Variants in INPP4A observed in about 807,000 individuals in gnomAD.
The protein encoded by INPP4A is inositol polyphosphate-4-phosphatase, type I, 107kD.
A neutral mutation model predicts 119.8 loss-of-function variants in INPP4A; 33 were observed. The ratio of observed to expected loss-of-function variants is 0.28; its 90% CI spans 0.21 to 0.37. INPP4A has a LOEUF of 0.37. Ranked by LOEUF, INPP4A falls within the 10% of genes least tolerant of loss-of-function variation. INPP4A has a pLI of 1.00. For synonymous variants in INPP4A, 496 were observed against 500.7 expected, an observed-to-expected ratio of 0.99 and a Z score of 0.12; for missense variants, 956 against 1,289.9, an observed-to-expected ratio of 0.74 and a Z score of 3.97.
At chr2:98,551,603 T>G (rs1693532644) in intron 13 of INPP4A, among the ~76,000 whole-genome samples, 1 of 152,196 alleles carries the variant, frequency 6.6e-6, no homozygotes. Flanking sequence ...ATGGGGAAGA[T>G]TCTCAGCCCT....
intron 1 of INPP4A, among the ~76,000 whole-genome samples, chr2:98,500,516 T>C (rs992038913): frequency 6.6e-6 from 1 of 152,028 alleles, no homozygotes; most frequent in African/African-American, 2.4e-5. Context: ...ACCATCACAA[T>C]AGGTATGGGG....
intron 1 of INPP4A, among the ~76,000 whole-genome samples, chr2:98,476,461 T>C (rs993396280): frequency 2.0e-5 from 3 of 152,206 alleles, no homozygotes; most frequent in Non-Finnish European, 4.4e-5. Flanking sequence ...GGCCCCTCGC[T>C]CTGGGGAAGA....
In INPP4A at chr2:98,553,063, A is replaced by G. The variant is rs115446065; in HGVS notation, c.1347+94A>G. 9.3e-4 allele frequency: 896 copies of G among 967,562 alleles called. 9 individuals carry two copies. The African/African-American group carries it at 0.013, about 14-fold the overall frequency. 59.9% of individuals were successfully genotyped at this position (967,562 alleles called of 1,614,324 possible). A position where few individuals can be genotyped will look rare whatever the true frequency, so the allele number is the denominator to read the frequency against. ...CCAGGTGTACCTAAGATGGTCCACA[A>G]AGAGCGTGACATTGGGATGACTTTG... On this transcript the variant is annotated intron_variant, in intron 14 of 24. Transcript: ENST00000409851.
chr2:98,545,806 A>G (rs1461352177), intron 11 of INPP4A, among the ~76,000 whole-genome samples, 163 bp from the exon 12 acceptor site: 1 of 152,174 alleles, frequency 6.6e-6, no homozygotes, highest in East Asian at 1.9e-4. Flanking sequence ...CCCACCTGCC[A>G]CCTGGAAATG....
intron 11 of INPP4A, among the ~76,000 whole-genome samples, chr2:98,545,604 T>C (rs1331388929): frequency 1.3e-5 from 2 of 152,206 alleles, no homozygotes; most frequent in African/African-American, 2.4e-5. Context: ...ACCCCTTTGC[T>C]TATTATAGTA....
chr2:98,466,213 T>G (rs1008006406), intron 1 of INPP4A, among the ~76,000 whole-genome samples: 14 of 152,160 alleles, frequency 9.2e-5, no homozygotes, highest in Admixed American at 2.0e-4. Context: ...GCACAGCTAA[T>G]TTTTGTATTT....
At chr2:98,478,209 A>G (rs115071147) in intron 1 of INPP4A, among the ~76,000 whole-genome samples, 11 of 152,122 alleles carry the variant, frequency 7.2e-5, no homozygotes, top group African/African-American at 2.7e-4. Flanking sequence ...TCTCAGCCAC[A>G]CTGTGTTTAA....
At chr2:98,482,289 C>G (rs1678631276) in intron 1 of INPP4A, among the ~76,000 whole-genome samples, 1 of 152,234 alleles carries the variant, frequency 6.6e-6, no homozygotes. Flanking sequence ...CTCTGGAGAT[C>G]TGGGTAAAAT....
chr2:98,565,615 A>T (rs757948764), intron 19 of INPP4A, 25 bp from the exon 20 acceptor site: 2 of 1,580,256 alleles, frequency 1.3e-6, no homozygotes, highest in South Asian at 2.3e-5. Flanking sequence ...TCTGCCTGAC[A>T]GCCCTGCCCC....
At chr2:98,556,510 C>G (rs1694518939) in intron 16 of INPP4A, among the ~76,000 whole-genome samples, 1 of 152,230 alleles carries the variant, frequency 6.6e-6, no homozygotes, top group Admixed American at 6.5e-5. Flanking sequence ...GAAACAGTCC[C>G]TGCAACTGAG....
rs778102364 is a variant in INPP4A at position 98,566,065 on chromosome 2, G to A, written c.2316G>A (p.Pro772=). Residue 772 remains proline (P), a synonymous_variant, in exon 21 of 25, where the codon CCG becomes CCA. Coordinates refer to ENST00000409851, the MANE Select transcript of INPP4A (RefSeq NM_001134225.2). The surrounding 1 kb of genome is among the most constrained non-coding windows in gnomAD (Gnocchi z 4.2). ...ACGTGCGGGTCCCTCTGCCGGGCCC[G>A]CTGTTTGACGCCTTGCCCCGGGAGA... ...GFNVRVPLPG[P]LFDALPREIQ... 11 of 1,603,400 alleles carry A rather than the reference G, an allele frequency of 6.9e-6. No individual in the cohort carries two copies. The highest frequency in any genetic ancestry group is 3.4e-5 in the South Asian group (3 of 88,880).
At position 98,554,749 on chromosome 2, in the gene INPP4A, G is replaced by A. The variant is rs1051889847; in HGVS notation, c.1566+260G>A. ...CCTGGATGAAGAGGAAGACAAGTGGGTTTTCCTCCCGTGTTGGAGGTCTCT... is the reference window on the plus strand; with the variant it reads ...CCTGGATGAAGAGGAAGACAAGTGGATTTTCCTCCCGTGTTGGAGGTCTCT... On this transcript the variant is annotated intron_variant, in intron 15 of 24. Transcript: ENST00000409851. This position sits in a 1 kb window ranked among gnomAD's most constrained non-coding sequence, Gnocchi z 4.7. Among the ~76,000 whole-genome samples the A allele has an allele frequency of 1.1e-4, 17 of 152,180 alleles. No homozygotes were observed. Among genetic ancestry groups the A allele is most frequent in the African/African-American group, 3.6e-4 (15 of 41,444 alleles).
chr2:98,558,106 C>T (rs917790719), intron 16 of INPP4A, among the ~76,000 whole-genome samples: 1 of 152,212 alleles, frequency 6.6e-6, no homozygotes, highest in African/African-American at 2.4e-5. Flanking sequence ...AGACAAGTTA[C>T]AAGCCATTAT....
Position 98,457,977 on chromosome 2 carries a change from A to AT in INPP4A, c.-166+12892_-166+12893insT, listed in dbSNP as rs367991599. Among the ~76,000 whole-genome samples the AT allele has an allele frequency of 1.7e-4, 26 of 149,738 alleles. No homozygotes were observed. In the East Asian group the frequency reaches 4.8e-3, roughly 28 times the overall value. On this transcript the variant is annotated intron_variant, in intron 1 of 24. Coordinates refer to ENST00000409851, the MANE Select transcript of INPP4A (RefSeq NM_001134225.2). ...CACTGTGCCCAGCTAATTAAACAAA[A>AT]ATTTTTTTTTTTTTTTTTTTTTGTT...
intron 1 of INPP4A, among the ~76,000 whole-genome samples, chr2:98,451,524 T>C (rs1026515973): frequency 6.6e-6 from 1 of 152,090 alleles, no homozygotes; most frequent in African/African-American, 2.4e-5. Context: ...AGACACCTGG[T>C]AGTTTTCCTG....
chr2:98,559,537 A>G, intron 17 of INPP4A, 42 bp downstream of exon 17: 1 of 1,593,920 alleles, frequency 6.3e-7, no homozygotes. Context: ...TGCCCTTTTA[A>G]TTGATACTCA....
intron 18 of INPP4A, 144 bp from the exon 19 acceptor site, chr2:98,564,496 C>G (rs1326512957): frequency 1.0e-6 from 1 of 988,488 alleles, no homozygotes; most frequent in Non-Finnish European, 1.5e-6. Context: ...CCCACCTGGG[C>G]TTCTCAAGGG....
At chr2:98,485,618 T>C (rs1348379755) in intron 1 of INPP4A, among the ~76,000 whole-genome samples, 1 of 152,162 alleles carries the variant, frequency 6.6e-6, no homozygotes, top group Non-Finnish European at 1.5e-5. Context: ...ACTCTTCTGG[T>C]GGTGAGAACC....
chr2:98,535,949 A>G, intron 6 of INPP4A, 104 bp downstream of exon 6: 1 of 720,702 alleles, frequency 1.4e-6, no homozygotes, highest in Non-Finnish European at 2.4e-6. Context: ...ACTGGCTCAC[A>G]AGTTAACTCA....
Sources: allele counts gnomAD v4.1 joint callset (sites outside exome capture counted in the v4.1 genomes callset), GRCh38; gene constraint gnomAD v4.1.1; non-coding constraint Gnocchi (gnomAD v3.1); transcripts MANE v1.5; gene names NCBI Gene and HGNC (gene_info 2026-07-23, HGNC 2026-07-21).